The following TRIM37 variants were observed in gnomAD, a reference collection of about 807,000 sequenced individuals.
TRIM37 encodes E3 ubiquitin-protein ligase TRIM37.
TRIM37 carries 80 observed loss-of-function variants against 129.8 expected under a neutral mutation model. That is an observed-to-expected ratio of 0.62 (90% CI 0.51 to 0.74). The LOEUF (loss-of-function observed/expected upper bound fraction) is 0.74, where lower values mean the gene tolerates loss of function less well. Ranked by LOEUF, TRIM37 falls within the 30% of genes least tolerant of loss-of-function variation. The pLI, the probability that TRIM37 is intolerant of heterozygous loss-of-function variation, is 0.00. For missense variants in TRIM37, 1,054 were observed against 1,176.5 expected (o/e 0.90, Z 1.52); for synonymous variants, 389 against 387.1 (o/e 1.00, Z -0.06).
chr17:59,046,685 T>C (rs192931635), intron 16 of TRIM37, among the ~76,000 whole-genome samples: 17 of 151,480 alleles, frequency 1.1e-4, no homozygotes, highest in African/African-American at 4.1e-4. Context: ...TACAGGCGCC[T>C]GCCACCACAC....
chr17:59,004,694 CA>C (rs2034242759), intron 22 of TRIM37, among the ~76,000 whole-genome samples: 1 of 152,090 alleles, frequency 6.6e-6, no homozygotes, highest in Admixed American at 6.6e-5. Flanking sequence ...ATGAAATGAG[CA>C]AATTCTTTCC....
At chr17:59,081,835 A>G (rs1395439464) in intron 5 of TRIM37, among the ~76,000 whole-genome samples, 1 of 150,550 alleles carries the variant, frequency 6.6e-6, no homozygotes, top group Admixed American at 6.7e-5. Context: ...TGAACCCGGG[A>G]GGCAGAGCTT....
Position 59,091,285 on chromosome 17 carries a change from T to C in TRIM37, c.164+15A>G, listed in dbSNP as rs746439200. On this transcript the variant is annotated intron_variant, in intron 3 of 23. Transcript: ENST00000262294. ...TATTTTCAAAATTCACAAATAATCG[T>C]AAGGAAACACTTACCGGCAATGAGG... The C allele has an allele frequency of 6.3e-7, 1 of 1,582,396 alleles. No individual in the cohort carries two copies. Among genetic ancestry groups the C allele is most frequent in the South Asian group, 1.1e-5 (1 of 89,402 alleles).
chr17:59,091,206 G>T, intron 3 of TRIM37, 94 bp downstream of exon 3: 3 of 792,644 alleles, frequency 3.8e-6, no homozygotes, highest in Non-Finnish European at 4.0e-6. Flanking sequence ...AAGAGAAATG[G>T]GCAGACTGCA....
downstream of TRIM37, among the ~76,000 whole-genome samples, chr17:58,997,987 G>C (rs928457609): frequency 2.0e-5 from 3 of 152,170 alleles, no homozygotes; most frequent in African/African-American, 7.2e-5. Flanking sequence ...AAAGCAAACA[G>C]GTCTGAACTA....
intron 17 of TRIM37, among the ~76,000 whole-genome samples, chr17:59,038,790 T>C (rs149804828): frequency 6.6e-6 from 1 of 152,308 alleles, no homozygotes; most frequent in Non-Finnish European, 1.5e-5. Context: ...ACGCTCCCTA[T>C]ACTTAAAGAA....
chr17:59,005,649 T>C (rs1320636926), intron 22 of TRIM37, among the ~76,000 whole-genome samples: 1 of 152,190 alleles, frequency 6.6e-6, no homozygotes, highest in Non-Finnish European at 1.5e-5. Context: ...ATAGTGAATA[T>C]TCAAATGCTA....
intron 22 of TRIM37, among the ~76,000 whole-genome samples, chr17:59,009,527 C>A (rs1238892926): frequency 6.7e-6 from 1 of 150,168 alleles, no homozygotes; most frequent in Non-Finnish European, 1.5e-5. Context: ...CTCACTGTAA[C>A]CTCCGCCTCC....
intron 24 of TRIM37, among the ~76,000 whole-genome samples, chr17:58,989,166 A>G (rs1221220591): frequency 6.6e-6 from 1 of 152,192 alleles, no homozygotes; most frequent in Non-Finnish European, 1.5e-5. Flanking sequence ...TTTGGAAATG[A>G]GAGAGAATTT....
At position 59,007,485 on chromosome 17, in the gene TRIM37, A is replaced by G. The variant is rs190358598; in HGVS notation, c.2695+4843T>C. Among the ~76,000 whole-genome samples the G allele has an allele frequency of 2.4e-3, 372 of 152,248 alleles. 1 individual carries two copies. Among genetic ancestry groups the G allele is most frequent in the Admixed American group, 3.8e-3 (58 of 15,290 alleles). On this transcript the variant is annotated intron_variant, in intron 22 of 23. Coordinates refer to ENST00000262294, the MANE Select transcript of TRIM37 (RefSeq NM_015294.6). ...AGAGGCCACCAGCAAGGTTTTTAAC[A>G]GGCATGCCAAGGCTTTTCCCCAGAT...
chr17:58,991,488 A>AT (rs1210712833), intron 24 of TRIM37, among the ~76,000 whole-genome samples: 3 of 152,272 alleles, frequency 2.0e-5, no homozygotes, highest in African/African-American at 4.8e-5. Context: ...GTGAGCCGAG[A>AT]TAAAAAAAAA....
chr17:58,989,725 G>A (rs6503892), intron 24 of TRIM37, among the ~76,000 whole-genome samples: 57,097 of 151,918 alleles, frequency 0.38, 10,950 homozygotes, highest in Middle Eastern at 0.51. Flanking sequence ...AACCCAGAAC[G>A]TAATATACAA....
At chr17:59,056,424 A>T (rs899885803) in intron 13 of TRIM37, among the ~76,000 whole-genome samples, 1 of 152,104 alleles carries the variant, frequency 6.6e-6, no homozygotes, top group African/African-American at 2.4e-5. Context: ...CCACTTAAAT[A>T]AAACAGTTAA....
intron 17 of TRIM37, among the ~76,000 whole-genome samples, chr17:59,037,807 T>C (rs1175482760): frequency 6.6e-6 from 1 of 152,162 alleles, no homozygotes; most frequent in Non-Finnish European, 1.5e-5. Flanking sequence ...GTTCTTTTTC[T>C]GTTCCAGAGT....
At chr17:59,064,740 C>G (rs773666885) in intron 9 of TRIM37, among the ~76,000 whole-genome samples, 2 of 152,190 alleles carry the variant, frequency 1.3e-5, no homozygotes, top group Non-Finnish European at 2.9e-5. Flanking sequence ...AAAACCCCAT[C>G]TCTGTTAAAA....
At chr17:59,077,945 G>A (rs771908753) in intron 7 of TRIM37, among the ~76,000 whole-genome samples, 1 of 148,378 alleles carries the variant, frequency 6.7e-6, no homozygotes, top group African/African-American at 2.5e-5. Context: ...CCAACATGGC[G>A]AAACCCCATC....
chr17:59,057,708 G>C (rs2041091103), intron 12 of TRIM37, among the ~76,000 whole-genome samples: 2 of 152,042 alleles, frequency 1.3e-5, no homozygotes, highest in African/African-American at 2.4e-5. Flanking sequence ...ATTTTTAGTA[G>C]AGACAGGGTT....
chr17:58,997,707 A>C (rs2033143994), downstream of TRIM37, among the ~76,000 whole-genome samples: 2 of 152,188 alleles, frequency 1.3e-5, no homozygotes, highest in Admixed American at 1.3e-4. Context: ...TTCAGCAAAA[A>C]AGGAAAGGTT....
intron 17 of TRIM37, among the ~76,000 whole-genome samples, chr17:59,032,845 G>T (rs1478953760): frequency 6.6e-6 from 1 of 152,118 alleles, no homozygotes; most frequent in Non-Finnish European, 1.5e-5. Flanking sequence ...ACAGTAAAAT[G>T]TATAGGTCAT....
Sources: gnomAD v4.1 joint callset for allele counts (sites outside exome capture counted in the v4.1 genomes callset) on GRCh38, gnomAD v4.1.1 for gene constraint, MANE v1.5 for transcripts, NCBI Gene and HGNC (gene_info 2026-07-23, HGNC 2026-07-21) for gene names.